The following SOX6 variants were observed in gnomAD, a reference collection of about 807,000 sequenced individuals.
SOX6 encodes transcription factor SOX-6.
In SOX6, 11 loss-of-function variants were observed where a neutral mutation model predicts 97.8. The observed-to-expected ratio is 0.11, with a 90% CI of 0.07 to 0.19. The LOEUF is 0.19. Among genes scored for constraint, SOX6 ranks in the 10% least tolerant of loss-of-function variants. The pLI, the probability that SOX6 is intolerant of heterozygous loss-of-function variation, is 1.00. For missense variants in SOX6, 810 were observed against 1,039.5 expected (o/e 0.78, Z 3.04); for synonymous variants, 360 against 371.4 (o/e 0.97, Z 0.35).
chr11:16,631,931 GCT>G (rs1207125779), intron 3 of SOX6, among the ~76,000 whole-genome samples: 7 of 152,138 alleles, frequency 4.6e-5, no homozygotes, highest in African/African-American at 1.7e-4. Context: ...AATTGCAGAA[GCT>G]CTGATTTATT....
intron 4 of SOX6, among the ~76,000 whole-genome samples, chr11:16,508,569 T>C (rs1860826873): frequency 6.6e-6 from 1 of 151,936 alleles, no homozygotes; most frequent in South Asian, 2.1e-4. Context: ...TTAAGTGAGA[T>C]AAGCCAGGCA....
intron 3 of SOX6, among the ~76,000 whole-genome samples, chr11:16,243,726 T>C (rs1218360525): frequency 1.3e-5 from 2 of 151,986 alleles, no homozygotes; most frequent in Non-Finnish European, 2.9e-5. Context: ...CACTATAAAA[T>C]AATTTTGCCT....
At chr11:16,071,785 C>G (rs1848229834) in intron 9 of SOX6, among the ~76,000 whole-genome samples, 1 of 151,932 alleles carries the variant, frequency 6.6e-6, no homozygotes, top group Non-Finnish European at 1.5e-5. Flanking sequence ...GAACACCTAA[C>G]AAAAGAAATG....
intron 12 of SOX6, among the ~76,000 whole-genome samples, chr11:16,046,197 C>T (rs1855825014): frequency 6.6e-6 from 1 of 152,084 alleles, no homozygotes; most frequent in South Asian, 2.1e-4. Context: ...TTTTAATATT[C>T]TGGTACTCTA....
intron 3 of SOX6, among the ~76,000 whole-genome samples, chr11:16,655,248 T>G (rs1403531272): frequency 6.6e-6 from 1 of 152,144 alleles, no homozygotes; most frequent in Non-Finnish European, 1.5e-5. Flanking sequence ...GGGGAGGGGC[T>G]GGTAAAGGTA....
At chr11:16,177,651 T>TTC (rs1554940451) in intron 6 of SOX6, among the ~76,000 whole-genome samples, 15 of 70,460 alleles carry the variant, frequency 2.1e-4, no homozygotes, top group Non-Finnish European at 3.0e-4. Context: ...CTCTCTCTCA[T>TTC]TCTCTCTCTC....
intron 3 of SOX6, among the ~76,000 whole-genome samples, chr11:16,678,543 G>GA (rs1164942108): frequency 6.6e-6 from 1 of 152,186 alleles, no homozygotes; most frequent in Non-Finnish European, 1.5e-5. Context: ...CAACACAGAA[G>GA]ATGGGTGATT....
At chr11:16,181,112 G>A (rs1851335403) in intron 6 of SOX6, among the ~76,000 whole-genome samples, 2 of 151,442 alleles carry the variant, frequency 1.3e-5, no homozygotes, top group Admixed American at 6.6e-5. Flanking sequence ...TACTATTTCA[G>A]AAGACAGCAT....
intron 4 of SOX6, among the ~76,000 whole-genome samples, chr11:16,196,281 A>C (rs948281909): frequency 2.0e-5 from 3 of 152,202 alleles, no homozygotes; most frequent in African/African-American, 7.2e-5. Flanking sequence ...TTAGCTATTA[A>C]ATCATATATC....
In SOX6 at chr11:16,029,041, T is replaced by G. The variant is rs562744697; in HGVS notation, c.1624-13991A>C. Among the ~76,000 whole-genome samples the G allele has an allele frequency of 3.3e-5, 5 of 152,308 alleles. No homozygotes were observed. The South Asian group carries it at 1.0e-3, about 32-fold the overall frequency. ...GCAAGGGTAGCGACTGCACCAACTTTATTTCTCAAAAAATAAAATGTAAGA... is the reference window on the plus strand; with the variant it reads ...GCAAGGGTAGCGACTGCACCAACTTGATTTCTCAAAAAATAAAATGTAAGA... On this transcript the variant is annotated intron_variant, in intron 12 of 15. Transcript: ENST00000683767.
chr11:16,329,078 C>T (rs1856197317), intron 2 of SOX6, among the ~76,000 whole-genome samples: 1 of 152,012 alleles, frequency 6.6e-6, no homozygotes, highest in South Asian at 2.1e-4. Context: ...ACATATGCCA[C>T]TTATCACTAT....
At chr11:16,417,694 T>G (rs539351960) in intron 1 of SOX6, among the ~76,000 whole-genome samples, 1 of 152,216 alleles carries the variant, frequency 6.6e-6, no homozygotes, top group Non-Finnish European at 1.5e-5. Flanking sequence ...TTTTTAAAAG[T>G]TGAATGCCCC....
At chr11:16,720,209 C>T (rs112209964) in intron 2 of SOX6, among the ~76,000 whole-genome samples, 3,463 of 150,694 alleles carry the variant, frequency 0.023, 121 homozygotes, top group African/African-American at 0.08. Context: ...ACCCAAAGGA[C>T]TATAAATCAT....
rs1295665612 is a variant in SOX6, at chr11:16,224,646, G to A, written c.535+9936C>T. ...GAAATGTCTACATTCATGCAAAGTG[G>A]TATAATTAAAAAAAACTATGGGTGT... is the stretch of plus-strand genomic sequence containing the variant. On this transcript the variant is annotated intron_variant, in intron 4 of 15. Coordinates refer to ENST00000683767, the MANE Select transcript of SOX6 (RefSeq NM_001367873.1). 2.0e-5 allele frequency among the ~76,000 whole-genome samples: 3 copies of A among 151,708 alleles called. No homozygotes were observed. In the East Asian group the frequency reaches 5.8e-4, roughly 29 times the overall value.
chr11:16,640,747 G>A lies in SOX6; in HGVS notation n.430-28487C>T, dbSNP rs191298401. The stretch of plus-strand genomic sequence containing the variant: ...TGGTAGTTTGTATTTCTGTGGGATC[G>A]GTGGTGATATTCTCTTTATCATTTT... On this transcript the variant is annotated intron_variant and non_coding_transcript_variant, in intron 3 of 5. Coordinates refer to the SOX6 transcript ENST00000524520. Among the ~76,000 whole-genome samples, 421 of 152,074 alleles carry A rather than the reference G, an allele frequency of 2.8e-3. 4 individuals are homozygous for A. The highest frequency in any genetic ancestry group is 8.8e-3 in the Admixed American group (135 of 15,256).
chr11:16,101,059 GATA>G (rs1199397140), intron 7 of SOX6, among the ~76,000 whole-genome samples: 2 of 151,658 alleles, frequency 1.3e-5, no homozygotes, highest in Non-Finnish European at 3.0e-5. Flanking sequence ...ATCATAAAAT[GATA>G]ATAAGTTGCC....
At chr11:16,002,820 C>T (rs575108786) in intron 13 of SOX6, among the ~76,000 whole-genome samples, 10 of 152,232 alleles carry the variant, frequency 6.6e-5, no homozygotes, top group African/African-American at 2.2e-4. Flanking sequence ...CTGTCATAGA[C>T]TCTACATGAA....
intron 4 of SOX6, among the ~76,000 whole-genome samples, chr11:16,491,470 G>T (rs1318682110): frequency 2.0e-5 from 3 of 152,036 alleles, no homozygotes; most frequent in Non-Finnish European, 4.4e-5. Flanking sequence ...TGGAGATTCA[G>T]TGCAATTCCA....
intron 4 of SOX6, among the ~76,000 whole-genome samples, chr11:16,570,470 G>A (rs920776579): frequency 6.6e-6 from 1 of 151,962 alleles, no homozygotes; most frequent in African/African-American, 2.4e-5. Flanking sequence ...CATTCTCTGG[G>A]AACGTATTTC....
Sources: allele counts gnomAD v4.1 joint callset (sites outside exome capture counted in the v4.1 genomes callset), GRCh38; gene constraint gnomAD v4.1.1; transcripts MANE v1.5; gene names NCBI Gene and HGNC (gene_info 2026-07-23, HGNC 2026-07-21).